Variants in UHRF2 observed in about 807,000 individuals in gnomAD.
UHRF2 encodes E3 ubiquitin-protein ligase UHRF2.
A neutral mutation model predicts 96.8 loss-of-function variants in UHRF2; 23 were observed. That is an observed-to-expected ratio of 0.24 (90% CI 0.17 to 0.34). The LOEUF (loss-of-function observed/expected upper bound fraction) is 0.34. Ranked by LOEUF, UHRF2 falls within the 10% of genes least tolerant of loss-of-function variation. UHRF2 has a pLI of 1.00. For synonymous variants in UHRF2, 385 were observed against 332.6 expected (o/e 1.16, Z -1.72); for missense variants, 685 against 981.5 (o/e 0.70, Z 4.04).
At chr9:6,480,549 C>G (rs1045103286) in intron 6 of UHRF2, among the ~76,000 whole-genome samples, 5 of 152,178 alleles carry the variant, frequency 3.3e-5, no homozygotes, top group Admixed American at 6.5e-5. Flanking sequence ...AACTCCTTAA[C>G]CTTAAATCTT....
At chr9:6,418,678 G>C (rs930160101) in intron 1 of UHRF2, among the ~76,000 whole-genome samples, 1 of 152,262 alleles carries the variant, frequency 6.6e-6, no homozygotes, top group Admixed American at 6.5e-5. Flanking sequence ...ATGTTTCTGG[G>C]AAAGTGATAG....
intron 4 of UHRF2, among the ~76,000 whole-genome samples, chr9:6,469,935 G>A (rs1823139623): frequency 6.6e-6 from 1 of 151,830 alleles, no homozygotes; most frequent in Non-Finnish European, 1.5e-5. Context: ...TTCTAAGCAG[G>A]ATAAATATAA....
chr9:6,434,160 A>G lies in UHRF2; in HGVS notation c.631A>G (p.Ile211Val). 6.2e-7 allele frequency: 1 copy of G among 1,612,832 alleles called. No individual in the cohort carries two copies. Among genetic ancestry groups the G allele is most frequent in the African/African-American group, 1.3e-5 (1 of 75,050 alleles). Residue 211 changes from isoleucine to valine, a missense_variant, in exon 3 of 16, where the codon ATC becomes GTC. Physicochemically the swap from Ile to Val is conservative, Grantham distance 29. Transcript: ENST00000276893. ...VAADEDVIYH[I>V]QYDEYPESGT... is the part of the protein sequence containing the mutation. ...TGCTGATGAAGACGTTATTTACCAT[A>G]TCCAGTATGATGAGTAAGTGCTCAA...
chr9:6,416,333 G>A (rs1387688358), intron 1 of UHRF2, among the ~76,000 whole-genome samples: 1 of 152,126 alleles, frequency 6.6e-6, no homozygotes, highest in Non-Finnish European at 1.5e-5. Context: ...TTCCCAAAGT[G>A]CTGGGATTAC....
chr9:6,416,535 C>CTTT (rs60522189), intron 1 of UHRF2, among the ~76,000 whole-genome samples: 964 of 65,004 alleles, frequency 0.015, 46 homozygotes, highest in African/African-American at 0.038. Context: ...ATCTCTAAAT[C>CTTT]TTTTTTTTTT....
At chr9:6,459,336 A>G (rs1822379870) in intron 3 of UHRF2, among the ~76,000 whole-genome samples, 1 of 152,248 alleles carries the variant, frequency 6.6e-6, no homozygotes, top group Admixed American at 6.5e-5. Flanking sequence ...ATGAACTTGT[A>G]CAAAGATCAG....
At chr9:6,428,711 A>G (rs534044316) in intron 2 of UHRF2, among the ~76,000 whole-genome samples, 2 of 151,826 alleles carry the variant, frequency 1.3e-5, no homozygotes, top group East Asian at 3.9e-4. Flanking sequence ...CACCATACCC[A>G]GCTAATTTTC....
rs1171172143 is a variant in UHRF2 at position 6,428,533 on chromosome 9, C to CTTTTTTTTTTTTTTTTTTTTTTT, written c.385-5365_385-5343dup. Among the ~76,000 whole-genome samples, 23 of 65,422 alleles carry CTTTTTTTTTTTTTTTTTTTTTTT rather than the reference C, an allele frequency of 3.5e-4. 3 individuals carry two copies. Among genetic ancestry groups the CTTTTTTTTTTTTTTTTTTTTTTT allele is most frequent in the East Asian group, 6.0e-4 (1 of 1,670 alleles). 42.9% of individuals were successfully genotyped at this position (65,422 alleles called of 152,430 possible). A position where few individuals can be genotyped will look rare whatever the true frequency, so the allele number is the denominator to read the frequency against. ...TGTAAATGGAACCATATTGCTTTTG[C>CTTTTTTTTTTTTTTTTTTTTTTT]TTTTTTTTTTTTTTTTTTTTTTTTT... is the stretch of plus-strand genomic sequence containing the variant. On this transcript the variant is annotated intron_variant, in intron 2 of 15. Transcript: ENST00000276893.
chr9:6,413,867 G>A, intron 1 of UHRF2: 1 of 455,236 alleles, frequency 2.2e-6, no homozygotes, highest in East Asian at 3.8e-5. Context: ...CGCGGGGTCA[G>A]AAGTGAGGGC....
chr9:6,464,277 T>A (rs1174257996), intron 4 of UHRF2, among the ~76,000 whole-genome samples: 3 of 152,210 alleles, frequency 2.0e-5, no homozygotes, highest in Non-Finnish European at 4.4e-5. Flanking sequence ...ACTTTTTTTG[T>A]TGTTAATTAA....
chr9:6,414,408 T>A (rs868039513), intron 1 of UHRF2, among the ~76,000 whole-genome samples: 1 of 152,232 alleles, frequency 6.6e-6, no homozygotes, highest in Non-Finnish European at 1.5e-5. Flanking sequence ...CTAATACTCA[T>A]GTCGTTCACG....
At chr9:6,476,436 C>T (rs144042427) in intron 5 of UHRF2, among the ~76,000 whole-genome samples, 111 of 152,172 alleles carry the variant, frequency 7.3e-4, no homozygotes, top group African/African-American at 2.5e-3. Context: ...CCTTGAATTT[C>T]TGGGAGGTAA....
At chr9:6,471,004 T>C (rs1823211275) in intron 4 of UHRF2, among the ~76,000 whole-genome samples, 1 of 152,118 alleles carries the variant, frequency 6.6e-6, no homozygotes, top group African/African-American at 2.4e-5. Flanking sequence ...AAAATCCACA[T>C]GCTACTCTTA....
At chr9:6,482,856 A>G (rs1477139110) in intron 8 of UHRF2, among the ~76,000 whole-genome samples, 1 of 152,116 alleles carries the variant, frequency 6.6e-6, no homozygotes, top group African/African-American at 2.4e-5. Flanking sequence ...TTGGCCTCCC[A>G]TTACAGGCAT....
chr9:6,464,021 TAG>T (rs1272994763), intron 4 of UHRF2, among the ~76,000 whole-genome samples: 1 of 152,160 alleles, frequency 6.6e-6, no homozygotes, highest in Non-Finnish European at 1.5e-5. Context: ...TCAACTTGAG[TAG>T]ATAGAACCAA....
At chr9:6,431,352 A>G (rs987201662) in intron 2 of UHRF2, among the ~76,000 whole-genome samples, 6 of 152,140 alleles carry the variant, frequency 3.9e-5, no homozygotes, top group Non-Finnish European at 8.8e-5. Flanking sequence ...TTGTGCATGT[A>G]ATCTCAGCAC....
chr9:6,470,272 C>G (rs1444461810), intron 4 of UHRF2, among the ~76,000 whole-genome samples: 1 of 151,338 alleles, frequency 6.6e-6, no homozygotes, highest in African/African-American at 2.4e-5. Context: ...ATTTGTGAGA[C>G]TGAAGCAGGA....
chr9:6,494,626 C>A (rs772879120), intron 10 of UHRF2: 1 of 152,054 alleles, frequency 6.6e-6, no homozygotes, highest in Non-Finnish European at 1.5e-5. Context: ...GTAACCCAGA[C>A]CACCAGATAG....
chr9:6,467,584 C>T (rs1231095071), intron 4 of UHRF2, among the ~76,000 whole-genome samples: 2 of 146,936 alleles, frequency 1.4e-5, no homozygotes, highest in Non-Finnish European at 3.0e-5. Context: ...TTCATAGATT[C>T]CGAGAGAATA....
Sources: gnomAD v4.1 joint callset for allele counts (sites outside exome capture counted in the v4.1 genomes callset) on GRCh38, gnomAD v4.1.1 for gene constraint, MANE v1.5 for transcripts, NCBI Gene and HGNC (gene_info 2026-07-23, HGNC 2026-07-21) for gene names.